HMCN2: variants seen among roughly 807,000 people sequenced by gnomAD.
HMCN2 encodes the protein hemicentin-2.
HMCN2 carries 325 observed loss-of-function variants against 377.5 expected under a neutral mutation model. The ratio of observed to expected loss-of-function variants is 0.86; its 90% CI spans 0.79 to 0.94. HMCN2 has a LOEUF of 0.94. Among genes scored for constraint, HMCN2 ranks in the 40% least tolerant of loss-of-function variants. The pLI is 0.00. For missense variants in HMCN2, 4,543 were observed against 4,725.3 expected, an observed-to-expected ratio of 0.96 and a Z score of 1.13; for synonymous variants, 2,007 against 2,046.8, an observed-to-expected ratio of 0.98 and a Z score of 0.53.
intron 4 of HMCN2, among the ~76,000 whole-genome samples, chr9:130,288,587 CTA>C (rs1328864958): frequency 5.3e-5 from 8 of 152,256 alleles, no homozygotes; most frequent in African/African-American, 1.9e-4. Context: ...AGGCTCCAAA[CTA>C]TGCGTGTGTC....
chr9:130,386,996 A>G (rs574631026), intron 61 of HMCN2, among the ~76,000 whole-genome samples: 3 of 152,338 alleles, frequency 2.0e-5, no homozygotes, highest in South Asian at 2.1e-4. Context: ...ATGGACCGCC[A>G]TGACAGTGTC....
At position 130,302,979 on chromosome 9, in the gene HMCN2, C is replaced by G. The variant is rs1836602935; in HGVS notation, c.1399C>G (p.Leu467Val). Residue 467 changes from leucine to valine, a missense_variant, in exon 9 of 98, where the codon CTG (leucine) becomes GTG (valine). By Grantham distance (32) the Leu-to-Val change is conservative. This residue lies in a region of HMCN2 where 547 missense variants were observed against 189.9 expected (regional missense o/e 2.88). Coordinates refer to ENST00000683500, the MANE Select transcript of HMCN2 (RefSeq NM_001291815.2). ...GCAGCTGCGGCGAGGTGAAGCCAGGCTGGGCGAAGAGAGGCACTTTCAGTG... is the reference window on the plus strand; with the variant it reads ...GCAGCTGCGGCGAGGTGAAGCCAGGGTGGGCGAAGAGAGGCACTTTCAGTG... ...RLQLRRGEAR[L>V]GEERHFQESG... is the part of the protein sequence containing the mutation. 6.4e-6 allele frequency: 3 copies of G among 470,386 alleles called. No individual in the cohort carries two copies. Among genetic ancestry groups the G allele is most frequent in the African/African-American group, 6.0e-5 (3 of 50,078 alleles). 29.1% of individuals were successfully genotyped at this position (470,386 alleles called of 1,614,324 possible).
rs541510330 is a variant in HMCN2, at chr9:130,303,897, G to A, written c.1543+289G>A. ...TCTCGGGGCTCGGCTTTCAGGGGCC[G>A]CCATCCATCTCGTGGTCGGGACAAC... On this transcript the variant is annotated intron_variant, in intron 10 of 97. Coordinates refer to ENST00000683500, the MANE Select transcript of HMCN2 (RefSeq NM_001291815.2). This position sits in a 1 kb window ranked among gnomAD's most constrained non-coding sequence, Gnocchi z 5.2. Among the ~76,000 whole-genome samples the A allele has an allele frequency of 2.7e-4, 41 of 152,216 alleles. No homozygotes were observed. The highest frequency in any genetic ancestry group is 5.0e-4 in the Non-Finnish European group (34 of 68,038).
At chr9:130,301,571 C>G (rs114493440) in intron 8 of HMCN2, among the ~76,000 whole-genome samples, 1 of 152,156 alleles carries the variant, frequency 6.6e-6, no homozygotes, top group African/African-American at 2.4e-5. Context: ...CAGAGGCTCC[C>G]AGGGTGCGTG....
At chr9:130,400,662 A>G in intron 76 of HMCN2, 121 bp from the exon 77 acceptor site, 2 of 554,574 alleles carry the variant, frequency 3.6e-6, no homozygotes, top group Non-Finnish European at 5.1e-6. Context: ...CTCTGTTGCC[A>G]CCTCCCTCCT....
chr9:130,342,546 A>G (rs1422238099), intron 25 of HMCN2, 110 bp downstream of exon 25: 3 of 152,194 alleles, frequency 2.0e-5, no homozygotes, highest in Non-Finnish European at 4.4e-5. Flanking sequence ...CACGGGGCAC[A>G]TGCTCCTTGT....
chr9:130,366,090 T>C (rs1444836093), intron 43 of HMCN2, 95 bp downstream of exon 43: 19 of 924,350 alleles, frequency 2.1e-5, no homozygotes, highest in Non-Finnish European at 2.5e-5. Flanking sequence ...AGAGCCTAGC[T>C]GAGATGGGGG....
intron 11 of HMCN2, 129 bp from the exon 12 acceptor site, chr9:130,306,000 C>CAA: frequency 2.5e-6 from 1 of 401,250 alleles, no homozygotes; most frequent in Non-Finnish European, 5.3e-6. Context: ...TTGAAGCCCT[C>CAA]TGGGGTCTTT....
intron 8 of HMCN2, among the ~76,000 whole-genome samples, chr9:130,301,243 TC>T (rs1183709668): frequency 6.6e-6 from 1 of 152,230 alleles, no homozygotes; most frequent in Non-Finnish European, 1.5e-5. Flanking sequence ...GGGCCTCTCT[TC>T]CCTTGGCCTT....
Position 130,268,891 on chromosome 9 carries a change from C to T in HMCN2, c.259+2754C>T, listed in dbSNP as rs1328758794. ...TGATGCCTTGGCGGACTTGGATTTCCTTTTCCTTCTATGGGCTGTGAACAG... is the reference window on the plus strand; with the variant it reads ...TGATGCCTTGGCGGACTTGGATTTCTTTTTCCTTCTATGGGCTGTGAACAG... On this transcript the variant is annotated intron_variant, in intron 1 of 97. Transcript: ENST00000683500. Among the ~76,000 whole-genome samples, 3 of 148,934 alleles carry T rather than the reference C, an allele frequency of 2.0e-5. 1 individual carries two copies. Among genetic ancestry groups the T allele is most frequent in the Admixed American group, 2.0e-4 (3 of 14,924 alleles).
Position 130,433,385 on chromosome 9 carries a change from G to A in HMCN2, c.14932G>A (p.Gly4978Ser). 6.7e-7 allele frequency: 1 copy of A among 1,481,904 alleles called. No individual in the cohort carries two copies. Among genetic ancestry groups the A allele is most frequent in the East Asian group, 2.9e-5 (1 of 34,602 alleles). The allele number at this position is 1,481,904 out of a possible 1,614,324, so 91.8% of individuals were successfully genotyped here. A position where few individuals can be genotyped will look rare whatever the true frequency, so the allele number is the denominator to read the frequency against. The change falls in exon 98 of 98, where the codon GGC (glycine) becomes AGC (serine). Residue 4978 changes from glycine (G) to serine (S), a missense_variant. By Grantham distance (56) the Gly-to-Ser change is moderately conservative (BLOSUM62 0). Around this residue, in one of 5 missense-constraint regions of HMCN2, gnomAD observed 1,155 missense variants for 1,157.7 expected, o/e 1.00. Coordinates refer to ENST00000683500, the MANE Select transcript of HMCN2 (RefSeq NM_001291815.2). Reference protein sequence around the residue: ...FRRCSQDCGTGGPSTLQYRLL... With the variant: ...FRRCSQDCGTSGPSTLQYRLL... ...GCGCTGCTCGCAGGACTGCGGCACGGGCGGCCCCTCTACGCTGCAGTACCG... is the reference window on the plus strand; with the variant it reads ...GCGCTGCTCGCAGGACTGCGGCACGAGCGGCCCCTCTACGCTGCAGTACCG...
rs1046143695 is a variant in HMCN2 at position 130,384,462 on chromosome 9, C to A, written c.8920C>A (p.Pro2974Thr). Residue 2974 changes from proline to threonine, a missense_variant, in exon 58 of 98, where the codon CCA becomes ACA. Pro to Thr is a conservative substitution (Grantham distance 38). Coordinates refer to ENST00000683500, the MANE Select transcript of HMCN2 (RefSeq NM_001291815.2). ...CCTCCCTTGCGACGTCCACGCTCAC[C>A]CAAACCCCGAGGTCACGTGGTACAA... ...VSLPCDVHAH[P>T]NPEVTWYKDS... The A allele has an allele frequency of 4.6e-6, 6 of 1,304,142 alleles. No homozygotes were observed. Among genetic ancestry groups the A allele is most frequent in the Non-Finnish European group, 4.0e-6 (4 of 988,978 alleles). The allele number at this position is 1,304,142 out of a possible 1,614,324, so 80.8% of individuals were successfully genotyped here. A position where few individuals can be genotyped will look rare whatever the true frequency, so the allele number is the denominator to read the frequency against.
rs151192880 is a variant in HMCN2, at chr9:130,270,503, G to T, written c.259+4366G>T. ...GATTGCTTGAGCCCAGGAGGTCAAG[G>T]TTGCAGGGAGCTATGATTGTGCCAC... On this transcript the variant is annotated intron_variant, in intron 1 of 97. Transcript: ENST00000683500. 9.9e-3 allele frequency among the ~76,000 whole-genome samples: 1,461 copies of T among 148,170 alleles called. 138 individuals carry two copies. Among genetic ancestry groups the T allele is most frequent in the Non-Finnish European group, 0.015 (961 of 66,018 alleles).
intron 54 of HMCN2, among the ~76,000 whole-genome samples, chr9:130,379,931 A>G (rs990852902): frequency 6.6e-6 from 1 of 151,844 alleles, no homozygotes; most frequent in African/African-American, 2.4e-5. Context: ...GCTGGAGTGC[A>G]ATGGTGCAAC....
intron 24 of HMCN2, among the ~76,000 whole-genome samples, chr9:130,341,870 A>G (rs1839067799): frequency 6.6e-6 from 1 of 152,046 alleles, no homozygotes; most frequent in South Asian, 2.1e-4. Context: ...CAGTTTCACT[A>G]TTAGGAATTT....
At position 130,408,889 on chromosome 9, in the gene HMCN2, C is replaced by T. The variant is rs995537633; in HGVS notation, c.12835C>T (p.Arg4279Trp). The T allele has an allele frequency of 4.0e-5, 51 of 1,289,754 alleles. No homozygotes were observed. The highest frequency in any genetic ancestry group is 2.6e-4 in the African/African-American group (17 of 65,990). 79.9% of individuals were successfully genotyped at this position (1,289,754 alleles called of 1,614,324 possible). The change falls in exon 84 of 98, where the codon CGG becomes TGG. Residue 4279 changes from arginine to tryptophan, a missense_variant. Transcript: ENST00000683500. ...DGLPLRGSHLRHQLQNGSLTI... is the reference protein window; with the variant it reads ...DGLPLRGSHLWHQLQNGSLTI... ...CCTTCCACTGCGGGGCAGCCACCTCCGGCACCAGCTGCAGAATGGCTCGCT... is the reference window on the plus strand; with the variant it reads ...CCTTCCACTGCGGGGCAGCCACCTCTGGCACCAGCTGCAGAATGGCTCGCT...
chr9:130,428,291 A>G lies in HMCN2; in HGVS notation c.14066-67A>G. Reference sequence around the variant, plus strand: ...GAAGCCTCTGTGGATAGGCCGGGCCAGGGTCAGGTGGCGAGGCACGCCTGG... The same window carrying G: ...GAAGCCTCTGTGGATAGGCCGGGCCGGGGTCAGGTGGCGAGGCACGCCTGG... On this transcript the variant is annotated intron_variant, in intron 92 of 97. Coordinates refer to ENST00000683500, the MANE Select transcript of HMCN2 (RefSeq NM_001291815.2). This position sits in a 1 kb window ranked among gnomAD's most constrained non-coding sequence, Gnocchi z 5.0. 1 of 1,461,836 alleles carries G rather than the reference A, an allele frequency of 6.8e-7. No homozygotes were observed. The highest frequency in any genetic ancestry group is 1.4e-5 in the South Asian group (1 of 70,266). 90.6% of individuals were successfully genotyped at this position (1,461,836 alleles called of 1,614,324 possible). A position where few individuals can be genotyped will look rare whatever the true frequency, so the allele number is the denominator to read the frequency against.
chr9:130,358,295 T>TCCTGCC, intron 35 of HMCN2, 95 bp from the exon 36 acceptor site: 1 of 1,287,164 alleles, frequency 7.8e-7, no homozygotes, highest in East Asian at 5.6e-5. Flanking sequence ...GCCTCACTGC[T>TCCTGCC]CCTGCCCCCG....
Position 130,308,505 on chromosome 9 carries a change from G to A in HMCN2, c.2200+939G>A, listed in dbSNP as rs982151661. Among the ~76,000 whole-genome samples the A allele has an allele frequency of 2.0e-5, 3 of 152,104 alleles. No homozygotes were observed. Among genetic ancestry groups the A allele is most frequent in the African/African-American group, 4.8e-5 (2 of 41,428 alleles). On this transcript the variant is annotated intron_variant, in intron 14 of 97. Transcript: ENST00000683500. The surrounding 1 kb of genome is among the most constrained non-coding windows in gnomAD (Gnocchi z 4.1). ...CTGGGCTCCCTCTCGAGGGTCAACC[G>A]GGGTCAGCAATACTGTCCCCTCCCA...
Sources: gnomAD v4.1 joint callset for allele counts (sites outside exome capture counted in the v4.1 genomes callset) on GRCh38, gnomAD v4.1.1 for gene constraint, gnomAD v4.1.1 regional missense constraint, Gnocchi (gnomAD v3.1) non-coding constraint, MANE v1.5 for transcripts, NCBI Gene and HGNC (gene_info 2026-07-23, HGNC 2026-07-21) for gene names.